The following TNIK variants were observed in gnomAD, a reference collection of about 807,000 sequenced individuals.
TNIK encodes TRAF2 and NCK-interacting protein kinase.
A neutral mutation model predicts 191.3 loss-of-function variants in TNIK; 49 were observed. The observed-to-expected ratio is 0.26, with a 90% CI of 0.20 to 0.32. The LOEUF (loss-of-function observed/expected upper bound fraction) is 0.32, where lower values mean the gene tolerates loss of function less well. TNIK is among the 10% of genes least tolerant of loss of function. The pLI, the probability that TNIK is intolerant of heterozygous loss-of-function variation, is 1.00. For synonymous variants in TNIK, 594 were observed against 600.9 expected (o/e 0.99, Z 0.17); for missense variants, 1,155 against 1,702.3 (o/e 0.68, Z 5.66).
At chr3:171,104,484 A>C (rs1724325169) in intron 21 of TNIK, among the ~76,000 whole-genome samples, 1 of 152,128 alleles carries the variant, frequency 6.6e-6, no homozygotes, top group Non-Finnish European at 1.5e-5. Flanking sequence ...AAAAAGAAAT[A>C]TGGCAAGATG....
At chr3:171,264,033 T>C (rs934930447) in intron 2 of TNIK, among the ~76,000 whole-genome samples, 29 of 150,942 alleles carry the variant, frequency 1.9e-4, no homozygotes, top group Non-Finnish European at 3.8e-4. Flanking sequence ...TGTGTGTGTG[T>C]GTGTATATAT....
chr3:171,122,862 C>A (rs907055396), intron 18 of TNIK, among the ~76,000 whole-genome samples: 1 of 152,198 alleles, frequency 6.6e-6, no homozygotes, highest in Non-Finnish European at 1.5e-5. Flanking sequence ...ACTATAACAG[C>A]AAACAGCATC....
At chr3:171,114,896 C>T (rs898713308) in intron 18 of TNIK, among the ~76,000 whole-genome samples, 1 of 152,174 alleles carries the variant, frequency 6.6e-6, no homozygotes, top group Non-Finnish European at 1.5e-5. Flanking sequence ...TGTAATAGCT[C>T]TGAAATAATC....
chr3:171,205,855 C>G (rs914351268), intron 4 of TNIK, among the ~76,000 whole-genome samples: 4 of 152,158 alleles, frequency 2.6e-5, no homozygotes, highest in African/African-American at 9.7e-5. Flanking sequence ...AGCAAGGGAG[C>G]TCTCTGGGTT....
chr3:171,271,296 A>G (rs1749069807), intron 2 of TNIK, among the ~76,000 whole-genome samples: 1 of 152,232 alleles, frequency 6.6e-6, no homozygotes, highest in Non-Finnish European at 1.5e-5. Flanking sequence ...ACTTTTTAAA[A>G]AGAAAATAGT....
chr3:171,336,365 CCTTT>C (rs990089613), intron 2 of TNIK, among the ~76,000 whole-genome samples: 4 of 152,224 alleles, frequency 2.6e-5, no homozygotes, highest in Admixed American at 1.3e-4. Context: ...TGACTGTGTG[CCTTT>C]CTTTTAAAAA....
chr3:171,384,850 A>G (rs543139897), intron 1 of TNIK, among the ~76,000 whole-genome samples: 3 of 152,358 alleles, frequency 2.0e-5, no homozygotes, highest in African/African-American at 7.2e-5. Flanking sequence ...ACATTGAACA[A>G]GGCCACTAAT....
At chr3:171,414,063 C>T (rs542372207) in intron 1 of TNIK, among the ~76,000 whole-genome samples, 4 of 152,296 alleles carry the variant, frequency 2.6e-5, no homozygotes, top group African/African-American at 9.6e-5. Flanking sequence ...TCCATCCATC[C>T]ACCCATTTAT....
chr3:171,086,401 A>G (rs1721361863), intron 24 of TNIK, among the ~76,000 whole-genome samples: 1 of 152,200 alleles, frequency 6.6e-6, no homozygotes, highest in Admixed American at 6.5e-5. Flanking sequence ...ACATTTCCAC[A>G]TAGAGCTGGG....
chr3:171,339,844 G>A (rs1262414072), intron 2 of TNIK, among the ~76,000 whole-genome samples: 1 of 152,172 alleles, frequency 6.6e-6, no homozygotes, highest in East Asian at 1.9e-4. Flanking sequence ...AGGTGTGTTT[G>A]TTGGCATACA....
rs1195064049 is a variant in TNIK, at chr3:171,128,858, G to T, written c.1629C>A (p.Leu543=). ...GCATGGCAGGGGAACTTTGCCGGTTGAGCCTTGACCGTTCTTCTACCTACA... is the reference window on the plus strand; with the variant it reads ...GCATGGCAGGGGAACTTTGCCGGTTTAGCCTTGACCGTTCTTCTACCTACA... ...WAKEVEERSR[L]NRQSSPAMPH... is the part of the protein sequence containing the mutation. The change falls in exon 16 of 33, where the codon CTC becomes CTA. Residue 543 remains leucine (L), a synonymous_variant. Transcript: ENST00000436636. 4.8e-5 allele frequency: 72 copies of T among 1,501,066 alleles called. No homozygotes were observed. The highest frequency in any genetic ancestry group is 6.4e-5 in the Non-Finnish European group (72 of 1,117,384). 93.0% of individuals were successfully genotyped at this position (1,501,066 alleles called of 1,614,324 possible).
At chr3:171,407,561 C>T (rs1000604526) in intron 1 of TNIK, among the ~76,000 whole-genome samples, 1 of 152,160 alleles carries the variant, frequency 6.6e-6, no homozygotes, top group Admixed American at 6.5e-5. Flanking sequence ...AGTTGGCAGA[C>T]AGACAGGAGG....
intron 2 of TNIK, among the ~76,000 whole-genome samples, chr3:171,318,438 C>T (rs1387510071): frequency 6.6e-6 from 1 of 151,984 alleles, no homozygotes; most frequent in Non-Finnish European, 1.5e-5. Context: ...GCTTGGTTGG[C>T]CCTAGAAAAT....
chr3:171,118,931 T>A (rs998068994), intron 18 of TNIK, among the ~76,000 whole-genome samples: 2 of 152,008 alleles, frequency 1.3e-5, no homozygotes, highest in Non-Finnish European at 2.9e-5. Flanking sequence ...AAGCCAAAAT[T>A]GACAAATGGG....
chr3:171,337,147 C>T (rs1757035062), intron 2 of TNIK, among the ~76,000 whole-genome samples: 1 of 152,216 alleles, frequency 6.6e-6, no homozygotes, highest in Non-Finnish European at 1.5e-5. Context: ...TAACAGGACT[C>T]CAGGAGATCA....
intron 1 of TNIK, among the ~76,000 whole-genome samples, chr3:171,425,444 A>G (rs190337383): frequency 7.0e-4 from 106 of 152,302 alleles, no homozygotes; most frequent in African/African-American, 2.3e-3. Flanking sequence ...TTTACGTTTA[A>G]CTCTGTGAAG....
chr3:171,145,482 C>T (rs928960086), intron 12 of TNIK, among the ~76,000 whole-genome samples: 1 of 152,080 alleles, frequency 6.6e-6, no homozygotes, highest in Non-Finnish European at 1.5e-5. Flanking sequence ...CAGTTTTGAT[C>T]CTCCCTATGA....
intron 2 of TNIK, among the ~76,000 whole-genome samples, chr3:171,238,355 A>G (rs1744557974): frequency 1.3e-5 from 2 of 152,088 alleles, no homozygotes; most frequent in East Asian, 3.8e-4. Flanking sequence ...GTATATATAC[A>G]AATATACTAC....
Position 171,138,256 on chromosome 3 carries a change from T to A in TNIK, c.1543A>T (p.Lys515Ter), listed in dbSNP as rs941792365. 1 of 1,613,528 alleles carries A rather than the reference T, an allele frequency of 6.2e-7. No homozygotes were observed. The highest frequency in any genetic ancestry group is 8.5e-7 in the Non-Finnish European group (1 of 1,179,820). ...HQRQEQRPVE[K>*]KPLYHYKEGM... is the part of the protein sequence containing the mutation. ...TCTTTGTAATGGTACAGTGGCTTCT[T>A]CTCCACAGGCCTCTGCTCCTGCCGC... The change falls in exon 15 of 33, where the codon AAG (lysine) becomes TAG (stop). Residue 515 changes from lysine to a stop codon, truncating the protein, a stop_gained. Coordinates refer to ENST00000436636, the MANE Select transcript of TNIK (RefSeq NM_015028.4). LOFTEE classifies it high-confidence loss of function.
Sources: gnomAD v4.1 joint callset for allele counts (sites outside exome capture counted in the v4.1 genomes callset) on GRCh38, gnomAD v4.1.1 for gene constraint, MANE v1.5 for transcripts, NCBI Gene and HGNC (gene_info 2026-07-23, HGNC 2026-07-21) for gene names.